The following ANK3 variants were observed in gnomAD, a reference collection of about 807,000 sequenced individuals.
ANK3 encodes the protein ankyrin-3.
ANK3 carries 57 observed loss-of-function variants against 370.9 expected under a neutral mutation model. That is an observed-to-expected ratio of 0.15 (90% CI 0.12 to 0.19). The LOEUF is 0.19. Ranked by LOEUF, ANK3 falls within the 10% of genes least tolerant of loss-of-function variation. The probability of loss-of-function intolerance (pLI) is 1.00; values close to 1 mark genes in which losing one functional copy is unlikely to be tolerated. For synonymous variants in ANK3, 1,929 were observed against 1,946.3 expected (o/e 0.99, Z 0.23); for missense variants, 4,439 against 5,302.1 (o/e 0.84, Z 5.06).
At chr10:60,264,841 T>C (rs936601878) in intron 5 of ANK3, among the ~76,000 whole-genome samples, 1 of 152,154 alleles carries the variant, frequency 6.6e-6, no homozygotes, top group African/African-American at 2.4e-5. Context: ...TGTTGCTTTA[T>C]GAAAGATCTA....
chr10:60,678,369 G>A (rs773703940), intron 1 of ANK3, among the ~76,000 whole-genome samples: 148 of 152,192 alleles, frequency 9.7e-4, no homozygotes, highest in Admixed American at 3.8e-3. Flanking sequence ...TAGTGGGCAA[G>A]GTTTCAAAAC....
chr10:60,673,964 T>G (rs926837562), intron 1 of ANK3, among the ~76,000 whole-genome samples: 22 of 152,164 alleles, frequency 1.4e-4, no homozygotes, highest in Non-Finnish European at 2.9e-4. Flanking sequence ...ACTGCTCAGA[T>G]ACGGTCAAGT....
Position 60,103,093 on chromosome 10 carries a change from A to C in ANK3, c.3328+2812T>G, listed in dbSNP as rs941765316. 3.3e-5 allele frequency among the ~76,000 whole-genome samples: 5 copies of C among 151,920 alleles called. No homozygotes were observed. The East Asian group carries it at 7.7e-4, about 23-fold the overall frequency. On this transcript the variant is annotated intron_variant, in intron 28 of 43. Coordinates refer to ENST00000280772, the MANE Select transcript of ANK3 (RefSeq NM_020987.5). ...AGCCTCCCGAGTAGCTGGGACTACA[A>C]GCACATGCCACCACGCCCAGCTAAT...
At chr10:60,111,428 T>G (rs753472658) in intron 26 of ANK3, among the ~76,000 whole-genome samples, 11 of 152,186 alleles carry the variant, frequency 7.2e-5, no homozygotes, top group Non-Finnish European at 8.8e-5. Flanking sequence ...TTTAATAACA[T>G]TATAAAATAT....
intron 1 of ANK3, among the ~76,000 whole-genome samples, chr10:60,339,115 C>A (rs1435096139): frequency 6.6e-6 from 1 of 151,922 alleles, no homozygotes; most frequent in Non-Finnish European, 1.5e-5. Flanking sequence ...AAAAAAAATT[C>A]TAGCATGATT....
chr10:60,413,807 C>A (rs879632541), intron 2 of ANK3, among the ~76,000 whole-genome samples: 5 of 152,036 alleles, frequency 3.3e-5, no homozygotes, highest in African/African-American at 9.7e-5. Context: ...CCAGCTTGGG[C>A]AACATGGTGA....
At chr10:60,469,720 A>G (rs2065168021) in intron 2 of ANK3, among the ~76,000 whole-genome samples, 2 of 135,536 alleles carry the variant, frequency 1.5e-5, no homozygotes, top group Admixed American at 8.0e-5. Context: ...GCCATTTTTT[A>G]TCTCACACTG....
At chr10:60,199,128 C>T (rs1030031026) in intron 13 of ANK3, among the ~76,000 whole-genome samples, 5 of 152,136 alleles carry the variant, frequency 3.3e-5, no homozygotes, top group African/African-American at 1.2e-4. Context: ...CTACAATTCA[C>T]CCAAGGGCAG....
chr10:60,465,865 T>G (rs1311274486), intron 2 of ANK3, among the ~76,000 whole-genome samples: 1 of 151,494 alleles, frequency 6.6e-6, no homozygotes, highest in Non-Finnish European at 1.5e-5. Flanking sequence ...AGTCTAGCTA[T>G]TTGTGAAATT....
chr10:60,445,297 G>A (rs911826630), intron 2 of ANK3, among the ~76,000 whole-genome samples: 1 of 151,924 alleles, frequency 6.6e-6, no homozygotes, highest in Non-Finnish European at 1.5e-5. Context: ...GGCTAAGATG[G>A]GGGGATTGTT....
intron 2 of ANK3, among the ~76,000 whole-genome samples, chr10:60,566,011 G>A (rs1163880820): frequency 2.0e-5 from 3 of 152,168 alleles, no homozygotes; most frequent in Non-Finnish European, 4.4e-5. Context: ...CCAACACCAT[G>A]TGCTCACTTT....
intron 23 of ANK3, chr10:60,140,356 C>T (rs1398367771): frequency 3.1e-6 from 5 of 1,613,792 alleles, no homozygotes; most frequent in African/African-American, 1.3e-5. Flanking sequence ...TCTTACTCTG[C>T]GGTAAAGCCA....
chr10:60,688,956 GA>G (rs55650401), intron 1 of ANK3, among the ~76,000 whole-genome samples: 23,972 of 125,124 alleles, frequency 0.19, 2,184 homozygotes, highest in South Asian at 0.31. Flanking sequence ...TCAAAAAAAA[GA>G]AAAAAAAAAA....
intron 21 of ANK3, among the ~76,000 whole-genome samples, chr10:60,171,152 G>T (rs2095781289): frequency 6.6e-6 from 1 of 152,158 alleles, no homozygotes; most frequent in Non-Finnish European, 1.5e-5. Context: ...CTCAAGAGGT[G>T]TATGAAAGCA....
chr10:60,462,918 C>A (rs1156498570), intron 2 of ANK3, among the ~76,000 whole-genome samples: 1 of 151,242 alleles, frequency 6.6e-6, no homozygotes, highest in African/African-American at 2.4e-5. Flanking sequence ...TTTTTTTATT[C>A]TTTGAGACAG....
At chr10:60,611,939 T>C (rs2078207697) in intron 2 of ANK3, among the ~76,000 whole-genome samples, 1 of 151,790 alleles carries the variant, frequency 6.6e-6, no homozygotes, top group East Asian at 1.9e-4. Context: ...ACAAAATAAA[T>C]GGTTTTCCTT....
intron 18 of ANK3, among the ~76,000 whole-genome samples, chr10:60,174,702 G>T (rs997766531): frequency 6.6e-6 from 1 of 152,106 alleles, no homozygotes; most frequent in African/African-American, 2.4e-5. Context: ...TTGTTGAGAT[G>T]GATGTGTTGA....
chr10:60,466,901 G>C (rs1011394684), intron 2 of ANK3, among the ~76,000 whole-genome samples: 1 of 152,238 alleles, frequency 6.6e-6, no homozygotes, highest in East Asian at 1.9e-4. Context: ...TCACCTATAG[G>C]GCTGGGAAAT....
intron 7 of ANK3, among the ~76,000 whole-genome samples, chr10:60,240,326 T>TA (rs1404059211): frequency 6.9e-6 from 1 of 145,956 alleles, no homozygotes; most frequent in Non-Finnish European, 1.5e-5. Flanking sequence ...CTTTTTGAGA[T>TA]AGAGTTTCGC....
Sources: allele counts gnomAD v4.1 joint callset (sites outside exome capture counted in the v4.1 genomes callset), GRCh38; gene constraint gnomAD v4.1.1; transcripts MANE v1.5; gene names NCBI Gene and HGNC (gene_info 2026-07-23, HGNC 2026-07-21).